The following TENM2 variants were observed in gnomAD, a reference collection of about 807,000 sequenced individuals.
TENM2 encodes the protein teneurin transmembrane protein 2.
Under a neutral mutation model 245.2 loss-of-function variants are expected in TENM2, and 52 were observed. The observed-to-expected ratio is 0.21, with a 90% CI of 0.17 to 0.27. TENM2 has a LOEUF of 0.27. Among genes scored for constraint, TENM2 ranks in the 10% least tolerant of loss-of-function variants. The probability of loss-of-function intolerance (pLI) is 1.00; values close to 1 mark genes in which losing one functional copy is unlikely to be tolerated. For missense variants in TENM2, 3,046 were observed against 3,666.8 expected, an observed-to-expected ratio of 0.83 and a Z score of 4.37; for synonymous variants, 1,363 against 1,438.9, an observed-to-expected ratio of 0.95 and a Z score of 1.19.
intron 1 of TENM2, among the ~76,000 whole-genome samples, chr5:167,357,737 GT>G (rs1296918552): frequency 6.6e-6 from 1 of 152,154 alleles, no homozygotes; most frequent in African/African-American, 2.4e-5. Flanking sequence ...TGTTTTTGAA[GT>G]TTATTAAATT....
At chr5:167,657,019 T>C (rs1164411371) in intron 2 of TENM2, among the ~76,000 whole-genome samples, 1 of 152,038 alleles carries the variant, frequency 6.6e-6, no homozygotes, top group Non-Finnish European at 1.5e-5. Context: ...TATTATTGTT[T>C]ACTGTAGTCC....
At chr5:167,371,230 C>A (rs1457145761) in intron 1 of TENM2, among the ~76,000 whole-genome samples, 1 of 152,008 alleles carries the variant, frequency 6.6e-6, no homozygotes, top group Non-Finnish European at 1.5e-5. Context: ...ACTAGATGAA[C>A]AGCTGGTGAA....
intron 7 of TENM2, among the ~76,000 whole-genome samples, chr5:168,076,503 C>T (rs1264974790): frequency 2.0e-5 from 3 of 152,196 alleles, no homozygotes; most frequent in Non-Finnish European, 4.4e-5. Context: ...GGATTACCGG[C>T]GTGAGCCACT....
At chr5:167,836,037 T>C (rs781294849) in intron 2 of TENM2, among the ~76,000 whole-genome samples, 1 of 152,196 alleles carries the variant, frequency 6.6e-6, no homozygotes, top group Non-Finnish European at 1.5e-5. Flanking sequence ...ATTAAGAATA[T>C]ACCTTTTTTA....
At chr5:167,709,197 C>T (rs920854061) in intron 2 of TENM2, among the ~76,000 whole-genome samples, 1 of 152,224 alleles carries the variant, frequency 6.6e-6, no homozygotes, top group African/African-American at 2.4e-5. Flanking sequence ...CAGTTTCCTG[C>T]TTTGTAGTCC....
At chr5:167,946,516 C>T (rs1268322573) in intron 3 of TENM2, among the ~76,000 whole-genome samples, 1 of 152,182 alleles carries the variant, frequency 6.6e-6, no homozygotes, top group Admixed American at 6.5e-5. Flanking sequence ...GGGCGATTCC[C>T]TCCAGTTTCT....
the TENM2 span, among the ~76,000 whole-genome samples, chr5:167,266,033 T>C: frequency 6.6e-6 from 1 of 152,172 alleles, no homozygotes; most frequent in African/African-American, 2.4e-5. Context: ...CAAGAAGTGC[T>C]TGTAAAGTGA....
At chr5:167,542,972 C>A (rs1432885) in intron 2 of TENM2, among the ~76,000 whole-genome samples, 106,739 of 151,984 alleles carry the variant, frequency 0.7, 38,056 homozygotes, top group East Asian at 0.88. Flanking sequence ...TTCAGTGGAG[C>A]CTGGTTGGTT....
the TENM2 span, among the ~76,000 whole-genome samples, chr5:167,236,383 A>G: frequency 6.6e-6 from 1 of 152,164 alleles, no homozygotes; most frequent in Non-Finnish European, 1.5e-5. Context: ...AAAAAACAAA[A>G]TGCAGCCAGC....
chr5:167,200,448 C>G, the TENM2 span, among the ~76,000 whole-genome samples: 1 of 151,930 alleles, frequency 6.6e-6, no homozygotes, highest in African/African-American at 2.4e-5. Flanking sequence ...CCCCTTCCAT[C>G]TATGCACAGA....
chr5:167,135,963 G>A, the TENM2 span, among the ~76,000 whole-genome samples: 47 of 152,222 alleles, frequency 3.1e-4, 1 homozygote, highest in South Asian at 2.1e-4. Context: ...AGGATTCACC[G>A]TTTTTAATGG....
At chr5:167,777,936 G>C (rs767363476) in intron 2 of TENM2, among the ~76,000 whole-genome samples, 34 of 152,280 alleles carry the variant, frequency 2.2e-4, no homozygotes, top group Admixed American at 5.9e-4. Flanking sequence ...CTAACCACCA[G>C]TTGCCTGTTT....
chr5:167,196,496 A>ATATATATATG, the TENM2 span, among the ~76,000 whole-genome samples: 13 of 131,364 alleles, frequency 9.9e-5, no homozygotes, highest in African/African-American at 5.2e-4. Flanking sequence ...GTATATATAT[A>ATATATATATG]TGTGTATATA....
Position 167,809,677 on chromosome 5 carries a change from T to C in TENM2, c.503-66309T>C, listed in dbSNP as rs1766484930. 5.9e-5 allele frequency among the ~76,000 whole-genome samples: 9 copies of C among 152,264 alleles called. No homozygotes were observed. The South Asian group carries it at 1.9e-3, about 32-fold the overall frequency. On this transcript the variant is annotated intron_variant, in intron 2 of 28. Coordinates refer to ENST00000518659, the Ensembl canonical transcript of TENM2. Reference sequence around the variant, plus strand: ...TGGCCAGAAATGTGCTTGTGTTGGCTAATTTTTTTTAAGTAGTTGGCAAAA... The same window carrying C: ...TGGCCAGAAATGTGCTTGTGTTGGCCAATTTTTTTTAAGTAGTTGGCAAAA...
At chr5:167,549,176 A>T (rs1333224975) in intron 2 of TENM2, among the ~76,000 whole-genome samples, 1 of 152,150 alleles carries the variant, frequency 6.6e-6, no homozygotes, top group Admixed American at 6.5e-5. Flanking sequence ...GAATTTCAAC[A>T]TATCTTTGGT....
At chr5:168,063,904 T>C (rs995942564) in intron 7 of TENM2, among the ~76,000 whole-genome samples, 1 of 152,112 alleles carries the variant, frequency 6.6e-6, no homozygotes, top group African/African-American at 2.4e-5. Context: ...TTTATGATCA[T>C]ACACAGCCCG....
At chr5:168,030,380 T>C (rs1288601259) in intron 5 of TENM2, among the ~76,000 whole-genome samples, 1 of 151,992 alleles carries the variant, frequency 6.6e-6, no homozygotes, top group Non-Finnish European at 1.5e-5. Flanking sequence ...CTTTCATTAA[T>C]TGCTGTCAGC....
the TENM2 span, among the ~76,000 whole-genome samples, chr5:167,058,166 T>G: frequency 2.0e-5 from 3 of 152,270 alleles, no homozygotes; most frequent in South Asian, 6.2e-4. Context: ...CTTGCTAAGA[T>G]GGAGCAGTGA....
intron 12 of TENM2, among the ~76,000 whole-genome samples, chr5:168,149,886 G>T (rs950838583): frequency 6.6e-6 from 1 of 152,176 alleles, no homozygotes; most frequent in African/African-American, 2.4e-5. Flanking sequence ...TAGGGGCTTT[G>T]TACCTGCAGT....
Sources: allele counts gnomAD v4.1 joint callset (sites outside exome capture counted in the v4.1 genomes callset), GRCh38; gene constraint gnomAD v4.1.1; transcripts MANE v1.5; gene names NCBI Gene and HGNC (gene_info 2026-07-23, HGNC 2026-07-21).